Variants in NPSR1 observed in about 807,000 individuals in gnomAD.
NPSR1 encodes neuropeptide S receptor 1.
Under a neutral mutation model 46.9 loss-of-function variants are expected in NPSR1, and 48 were observed. That is an observed-to-expected ratio of 1.02 (90% confidence interval 0.81 to 1.30). The LOEUF (loss-of-function observed/expected upper bound fraction) is 1.30, where lower values mean the gene tolerates loss of function less well. Among genes scored for constraint, NPSR1 ranks in the 50% most tolerant of loss-of-function variants. NPSR1 has a pLI of 0.00. For synonymous variants in NPSR1, 176 were observed against 168.1 expected (o/e 1.05, Z -0.36); for missense variants, 450 against 449.5 (o/e 1.00, Z -0.01).
At chr7:34,846,483 TAAG>T (rs1042726066) in intron 7 of NPSR1, among the ~76,000 whole-genome samples, 1 of 152,112 alleles carries the variant, frequency 6.6e-6, no homozygotes, top group African/African-American at 2.4e-5. Context: ...AAAAGAGGAA[TAAG>T]AAAATAATCT....
At chr7:34,828,557 T>C (rs1025368935) in intron 5 of NPSR1, among the ~76,000 whole-genome samples, 5 of 152,210 alleles carry the variant, frequency 3.3e-5, no homozygotes, top group Non-Finnish European at 4.4e-5. Context: ...ACATTGTGTG[T>C]ATCCTTGAGC....
intron 2 of NPSR1, among the ~76,000 whole-genome samples, chr7:34,759,151 C>A (rs1002826403): frequency 6.6e-6 from 1 of 152,154 alleles, no homozygotes; most frequent in East Asian, 1.9e-4. Context: ...TGTAAAGATA[C>A]TATTTTTCCT....
chr7:34,849,288 A>G (rs1261545447), intron 8 of NPSR1: 2 of 1,418,400 alleles, frequency 1.4e-6, no homozygotes, highest in East Asian at 2.5e-5. Flanking sequence ...GTTATTTAAC[A>G]TCTGTAAACC....
At chr7:34,677,008 T>C (rs1792353080) in intron 1 of NPSR1, among the ~76,000 whole-genome samples, 1 of 152,088 alleles carries the variant, frequency 6.6e-6, no homozygotes, top group South Asian at 2.1e-4. Context: ...CAAAGCATAG[T>C]CCAAGAACAA....
intron 2 of NPSR1, among the ~76,000 whole-genome samples, chr7:34,728,363 G>A (rs1182525665): frequency 2.6e-5 from 4 of 152,184 alleles, no homozygotes; most frequent in African/African-American, 7.2e-5. Flanking sequence ...CATGCTGGAG[G>A]CGGGCTGGGC....
intron 1 of NPSR1, among the ~76,000 whole-genome samples, chr7:34,670,823 T>G (rs1425246360): frequency 6.6e-6 from 1 of 151,944 alleles, no homozygotes; most frequent in Non-Finnish European, 1.5e-5. Flanking sequence ...ATGAGATATA[T>G]CAAATAAAGA....
At chr7:34,663,117 A>C (rs965345419) in intron 1 of NPSR1, among the ~76,000 whole-genome samples, 23 of 112,704 alleles carry the variant, frequency 2.0e-4, no homozygotes, top group Middle Eastern at 4.2e-3. Context: ...GGGGTAGAGG[A>C]TGGATGGTGA....
intron 3 of NPSR1, among the ~76,000 whole-genome samples, chr7:34,790,392 T>C (rs906076252): frequency 6.6e-6 from 1 of 151,938 alleles, no homozygotes; most frequent in Non-Finnish European, 1.5e-5. Context: ...AGACCACATA[T>C]GACAAGTCCA....
chr7:34,704,013 CT>C (rs1245063593), intron 2 of NPSR1: 11 of 152,310 alleles, frequency 7.2e-5, no homozygotes, highest in African/African-American at 2.6e-4. Flanking sequence ...CTTCAAAGCA[CT>C]TTCTGAAGAG....
intron 2 of NPSR1, among the ~76,000 whole-genome samples, chr7:34,738,513 C>T (rs1358085070): frequency 6.6e-6 from 1 of 152,136 alleles, no homozygotes; most frequent in Non-Finnish European, 1.5e-5. Context: ...TCTGTCTCTA[C>T]TGTACCTATA....
At chr7:34,794,457 T>A (rs996422203) in intron 3 of NPSR1, among the ~76,000 whole-genome samples, 1 of 152,146 alleles carries the variant, frequency 6.6e-6, no homozygotes, top group Non-Finnish European at 1.5e-5. Flanking sequence ...ATGGACCAAT[T>A]CCTTGAAAGA....
chr7:34,670,126 A>AT (rs1791972554), intron 1 of NPSR1, among the ~76,000 whole-genome samples: 1 of 152,234 alleles, frequency 6.6e-6, no homozygotes, highest in South Asian at 2.1e-4. Flanking sequence ...ATAATTTGAA[A>AT]TTTTTATTTA....
At chr7:34,768,280 C>A (rs1033341405) in intron 2 of NPSR1, 1 of 152,034 alleles carries the variant, frequency 6.6e-6, no homozygotes, top group Non-Finnish European at 1.5e-5. Flanking sequence ...GCAAAAATAC[C>A]TGTTTAAAAT....
intron 1 of NPSR1, among the ~76,000 whole-genome samples, chr7:34,674,701 A>T (rs944825484): frequency 6.6e-6 from 1 of 152,194 alleles, no homozygotes; most frequent in Non-Finnish European, 1.5e-5. Flanking sequence ...CCCTGAAAAC[A>T]TGAGGGGCAC....
intron 3 of NPSR1, chr7:34,779,634 G>C (rs1414738957): frequency 5.9e-6 from 7 of 1,191,844 alleles, no homozygotes; most frequent in Non-Finnish European, 7.5e-6. Context: ...TGAAAGTTTG[G>C]TATGTCTGAA....
At chr7:34,702,880 C>T (rs962936058) in intron 2 of NPSR1, among the ~76,000 whole-genome samples, 2 of 152,110 alleles carry the variant, frequency 1.3e-5, no homozygotes, top group Non-Finnish European at 2.9e-5. Context: ...TGGAAAATGT[C>T]GGGGGACAAA....
chr7:34,790,696 A>G (rs1365093100), intron 3 of NPSR1, among the ~76,000 whole-genome samples: 2 of 143,684 alleles, frequency 1.4e-5, no homozygotes, highest in East Asian at 4.0e-4. Context: ...TATATATAAT[A>G]TATGTTCTAT....
intron 3 of NPSR1, among the ~76,000 whole-genome samples, chr7:34,805,108 C>T (rs1157831387): frequency 1.3e-5 from 2 of 151,910 alleles, no homozygotes; most frequent in Non-Finnish European, 2.9e-5. Flanking sequence ...GTCTATTCTG[C>T]CCAACGTGAT....
intron 1 of NPSR1, among the ~76,000 whole-genome samples, chr7:34,682,783 A>G (rs1286653524): frequency 1.3e-5 from 2 of 152,190 alleles, no homozygotes; most frequent in African/African-American, 2.4e-5. Flanking sequence ...TTGATGCTTT[A>G]TCACCCATTT....
Sources: gnomAD v4.1 joint callset for allele counts (sites outside exome capture counted in the v4.1 genomes callset) on GRCh38, gnomAD v4.1.1 for gene constraint, MANE v1.5 for transcripts, NCBI Gene and HGNC (gene_info 2026-07-23, HGNC 2026-07-21) for gene names.